Variants in PDE10A observed in about 807,000 individuals in gnomAD.
PDE10A encodes the protein phosphodiesterase 10A.
PDE10A carries 39 observed loss-of-function variants against 97.7 expected under a neutral mutation model. That is an observed-to-expected ratio of 0.40 (90% confidence interval 0.31 to 0.52). PDE10A has a LOEUF of 0.52. Ranked by LOEUF, PDE10A falls within the 20% of genes least tolerant of loss-of-function variation. The probability of loss-of-function intolerance (pLI) is 0.56; values close to 1 mark genes in which losing one functional copy is unlikely to be tolerated. For missense variants in PDE10A, 731 were observed against 1,047.8 expected (o/e 0.70, Z 4.17); for synonymous variants, 371 against 376.8 (o/e 0.98, Z 0.18).
At chr6:165,988,018 G>A (rs183694948), upstream of PDE10A, 1 of 424,224 alleles carries the variant, frequency 2.4e-6, no homozygotes, top group Admixed American at 2.5e-5. Flanking sequence ...TCACATTTGG[G>A]GGTGCTTGTG....
At chr6:165,582,507 A>G (rs1370316452) in intron 1 of PDE10A, among the ~76,000 whole-genome samples, 2 of 152,188 alleles carry the variant, frequency 1.3e-5, no homozygotes, top group Non-Finnish European at 2.9e-5. Context: ...AATAAAATAA[A>G]TCTACCTATG....
At chr6:165,635,745 T>C (rs1257358021) in intron 1 of PDE10A, among the ~76,000 whole-genome samples, 1 of 152,162 alleles carries the variant, frequency 6.6e-6, no homozygotes, top group Non-Finnish European at 1.5e-5. Context: ...AAACACAGCG[T>C]GAACTTTGGT....
At chr6:165,883,415 G>C (rs1781541023) in intron 1 of PDE10A, among the ~76,000 whole-genome samples, 1 of 151,946 alleles carries the variant, frequency 6.6e-6, no homozygotes, top group Non-Finnish European at 1.5e-5. Context: ...GGTGACAGCT[G>C]CCTGTAATCC....
At chr6:165,709,876 T>G (rs1297123288) in intron 1 of PDE10A, among the ~76,000 whole-genome samples, 1 of 151,352 alleles carries the variant, frequency 6.6e-6, no homozygotes, top group Admixed American at 6.6e-5. Flanking sequence ...TTCACTCTTT[T>G]GCTTCAAATT....
chr6:165,923,506 C>T (rs369898589), intron 1 of PDE10A, among the ~76,000 whole-genome samples: 16 of 152,318 alleles, frequency 1.1e-4, no homozygotes, highest in East Asian at 3.9e-4. Flanking sequence ...CGAAGACAGG[C>T]TGGGCTGCAG....
intron 11 of PDE10A, among the ~76,000 whole-genome samples, chr6:165,417,187 C>A (rs1788376643): frequency 1.3e-5 from 2 of 152,188 alleles, no homozygotes; most frequent in Non-Finnish European, 2.9e-5. Context: ...ACTTAAAACA[C>A]CAAAGAGTGA....
intron 1 of PDE10A, among the ~76,000 whole-genome samples, chr6:165,622,404 C>G (rs1436387930): frequency 6.6e-6 from 1 of 152,092 alleles, no homozygotes; most frequent in Non-Finnish European, 1.5e-5. Flanking sequence ...CCCATATGGT[C>G]CAGCCTACTA....
intron 18 of PDE10A, among the ~76,000 whole-genome samples, chr6:165,370,895 C>T (rs1039028002): frequency 5.4e-5 from 8 of 148,722 alleles, no homozygotes; most frequent in Non-Finnish European, 7.4e-5. Flanking sequence ...GACCACAGTG[C>T]AATCAAACTA....
At chr6:165,648,797 G>A (rs1789535369) in intron 1 of PDE10A, among the ~76,000 whole-genome samples, 1 of 152,182 alleles carries the variant, frequency 6.6e-6, no homozygotes, top group South Asian at 2.1e-4. Flanking sequence ...GATCGCCTGA[G>A]AAATGAAATT....
intron 1 of PDE10A, among the ~76,000 whole-genome samples, chr6:165,958,488 G>C (rs1277493213): frequency 7.8e-6 from 1 of 128,146 alleles, no homozygotes; most frequent in East Asian, 2.2e-4. Context: ...AAGAGAGAAA[G>C]AGAGAAAGAC....
intron 8 of PDE10A, 135 bp downstream of exon 8, chr6:165,431,287 C>G: frequency 4.0e-6 from 2 of 504,324 alleles, no homozygotes; most frequent in Non-Finnish European, 7.2e-6. Flanking sequence ...GTTAAAATTT[C>G]TAGAAATAAC....
rs192117992 is a variant in PDE10A at position 165,623,583 on chromosome 6, T to C, written c.865+38364A>G. Among the ~76,000 whole-genome samples, 45 of 152,244 alleles carry C rather than the reference T, an allele frequency of 3.0e-4. 1 individual carries two copies. Among genetic ancestry groups the C allele is most frequent in the Middle Eastern group, 3.4e-3 (1 of 294 alleles). On this transcript the variant is annotated intron_variant, in intron 1 of 21. Transcript: ENST00000539869. ...ACATCTAAAACATAAACTTAAAATA[T>C]AATACAAAATTATTCCTATATTTTA... is the stretch of plus-strand genomic sequence containing the variant.
chr6:165,476,689 C>A (rs1170721800), intron 3 of PDE10A, among the ~76,000 whole-genome samples: 1 of 152,092 alleles, frequency 6.6e-6, no homozygotes. Context: ...TCTACATGAC[C>A]TAGTGAAAGT....
At chr6:165,378,312 A>C (rs1784737090) in intron 18 of PDE10A, among the ~76,000 whole-genome samples, 2 of 152,224 alleles carry the variant, frequency 1.3e-5, no homozygotes, top group African/African-American at 2.4e-5. Flanking sequence ...AAAAGTATAA[A>C]TCCAAATTCA....
rs1779509740 is a variant in PDE10A, at chr6:165,819,503, T to TCCG, written c.-615+168025_-615+168026insCGG. 1.3e-5 allele frequency among the ~76,000 whole-genome samples: 2 copies of TCCG among 152,148 alleles called. No individual in the cohort carries two copies. The highest frequency in any genetic ancestry group is 2.9e-5 in the Non-Finnish European group (2 of 68,018). ...CACCCTGCACGTGCTGCCCTCTGAC[T>TCCG]GCAGGGTGCCGGCAGCCTCCTCCGA... On this transcript the variant is annotated intron_variant, in intron 1 of 19. Coordinates refer to the PDE10A transcript ENST00000366882. This position sits in a 1 kb window ranked among gnomAD's most constrained non-coding sequence, Gnocchi z 4.2.
intron 18 of PDE10A, 50 bp downstream of exon 18, chr6:165,379,144 A>G: frequency 1.6e-6 from 2 of 1,236,970 alleles, no homozygotes; most frequent in Non-Finnish European, 2.3e-6. Flanking sequence ...GTATCAATTT[A>G]TTCCAGATAA....
intron 18 of PDE10A, among the ~76,000 whole-genome samples, chr6:165,364,091 C>G (rs1583119199): frequency 6.6e-6 from 1 of 152,130 alleles, no homozygotes; most frequent in South Asian, 2.1e-4. Flanking sequence ...GGATCAGTAA[C>G]AGAAAAGCAC....
chr6:165,558,764 C>T (rs532979608), intron 1 of PDE10A, among the ~76,000 whole-genome samples: 297 of 152,062 alleles, frequency 2.0e-3, no homozygotes, highest in Non-Finnish European at 3.5e-3. Context: ...ACTCAAAAAA[C>T]GAAGGCAAAT....
chr6:165,907,774 G>A (rs1782336854), intron 1 of PDE10A, among the ~76,000 whole-genome samples: 1 of 148,376 alleles, frequency 6.7e-6, no homozygotes, highest in Non-Finnish European at 1.5e-5. Context: ...CAGCATGGAT[G>A]AGGGCTGAGG....
Sources: gnomAD v4.1 joint callset for allele counts (sites outside exome capture counted in the v4.1 genomes callset) on GRCh38, gnomAD v4.1.1 for gene constraint, Gnocchi (gnomAD v3.1) non-coding constraint, MANE v1.5 for transcripts, NCBI Gene and HGNC (gene_info 2026-07-23, HGNC 2026-07-21) for gene names.